Variants in ZNF33A observed in about 807,000 individuals in gnomAD.
The protein encoded by ZNF33A is brain my041 protein.
In ZNF33A, 9 loss-of-function variants were observed where a neutral mutation model predicts 15.9. The ratio of observed to expected loss-of-function variants is 0.57; its 90% CI spans 0.34 to 0.99. The LOEUF (loss-of-function observed/expected upper bound fraction) is 0.99, where lower values mean the gene tolerates loss of function less well. Ranked by LOEUF, ZNF33A falls within the 50% of genes least tolerant of loss-of-function variation. ZNF33A has a pLI of 0.02. For synonymous variants in ZNF33A, 294 were observed against 324.2 expected, an observed-to-expected ratio of 0.91 and a Z score of 1.00; for missense variants, 843 against 941.6, an observed-to-expected ratio of 0.90 and a Z score of 1.37.
intron 1 of ZNF33A, 52 bp from the exon 2 acceptor site, chr10:38,012,246 T>C: frequency 6.3e-7 from 1 of 1,587,962 alleles, no homozygotes; most frequent in East Asian, 2.2e-5. Flanking sequence ...AATCCAGGAG[T>C]TGCCAGGCAG....
chr10:38,033,853 C>G (rs1272699106), intron 4 of ZNF33A, among the ~76,000 whole-genome samples: 3 of 151,952 alleles, frequency 2.0e-5, no homozygotes. Context: ...GCTGGGATTA[C>G]AGGTGCCCAC....
downstream of ZNF33A, among the ~76,000 whole-genome samples, chr10:38,063,686 T>C (rs1385887289): frequency 6.6e-6 from 1 of 152,206 alleles, no homozygotes; most frequent in Non-Finnish European, 1.5e-5. Context: ...TGGTAAGAGC[T>C]AAGATGCAAA....
In ZNF33A at chr10:38,010,794, G is replaced by A; in HGVS notation, c.-45+11G>A. Reference sequence around the variant, plus strand: ...CGACGAGGGAGTGGGGTAAGCCCCAGTGGGTTGGGCAGGGAGAGAGAGGGA... The same window carrying A: ...CGACGAGGGAGTGGGGTAAGCCCCAATGGGTTGGGCAGGGAGAGAGAGGGA... On this transcript the variant is annotated intron_variant, in intron 1 of 4. Coordinates refer to ENST00000432900, the MANE Select transcript of ZNF33A (RefSeq NM_006954.2). 6.3e-7 allele frequency: 1 copy of A among 1,598,446 alleles called. No homozygotes were observed. Among genetic ancestry groups the A allele is most frequent in the Non-Finnish European group, 8.5e-7 (1 of 1,179,782 alleles).
In ZNF33A at chr10:38,054,468, C is replaced by T. The variant is rs144275159; in HGVS notation, c.344C>T (p.Thr115Ile). 16 of 1,610,170 alleles carry T rather than the reference C, an allele frequency of 9.9e-6. No individual in the cohort carries two copies. In the African/African-American group the frequency reaches 2.0e-4, roughly 20 times the overall value. The stretch of plus-strand genomic sequence containing the variant: ...GTATTCATCAATAATGAAATGCTGA[C>T]TAAGGAACAAGGTGATGTAATAGGA... ...EVVFINNEML[T>I]KEQGDVIGIP... The change falls in exon 5 of 5, where the codon ACT (threonine) becomes ATT (isoleucine). Residue 115 changes from threonine (T) to isoleucine (I), a missense_variant. Coordinates refer to ENST00000432900, the MANE Select transcript of ZNF33A (RefSeq NM_006954.2).
At chr10:38,042,201 T>TTC (rs1236846787) in intron 4 of ZNF33A, among the ~76,000 whole-genome samples, 1 of 152,004 alleles carries the variant, frequency 6.6e-6, no homozygotes, top group Non-Finnish European at 1.5e-5. Context: ...TTTTTTTTTT[T>TTC]CCCCTGGGAG....
At chr10:38,048,580 A>G (rs1316275300) in intron 4 of ZNF33A, among the ~76,000 whole-genome samples, 1 of 152,188 alleles carries the variant, frequency 6.6e-6, no homozygotes, top group Non-Finnish European at 1.5e-5. Context: ...AGATAAACAA[A>G]AAGAATGGGA....
intron 4 of ZNF33A, among the ~76,000 whole-genome samples, chr10:38,031,761 G>A (rs1218793664): frequency 2.0e-5 from 3 of 151,678 alleles, no homozygotes; most frequent in Non-Finnish European, 4.4e-5. Context: ...TCAGGAGATG[G>A]AGACCATCCG....
chr10:38,054,785 T>G lies in ZNF33A; in HGVS notation c.661T>G (p.Tyr221Asp). 1 of 1,613,734 alleles carries G rather than the reference T, an allele frequency of 6.2e-7. No homozygotes were observed. ...KIQTLEHNFE[Y>D]SICQETLLEK... ...TCAAACTTTAGAGCACAATTTTGAATACAGTATATGTCAGGAAACCCTCCT... is the reference window on the plus strand; with the variant it reads ...TCAAACTTTAGAGCACAATTTTGAAGACAGTATATGTCAGGAAACCCTCCT... Residue 221 changes from tyrosine (Y) to aspartate (D), a missense_variant, in exon 5 of 5, where the codon TAC becomes GAC. By Grantham distance (160) the Tyr-to-Asp change is radical. Transcript: ENST00000432900.
At chr10:38,050,129 A>G (rs1055015006) in intron 4 of ZNF33A, among the ~76,000 whole-genome samples, 4 of 152,238 alleles carry the variant, frequency 2.6e-5, no homozygotes, top group African/African-American at 7.2e-5. Context: ...AAATTCAAGA[A>G]GAGGGAATAC....
In ZNF33A at chr10:38,057,775, G is replaced by A. The variant is rs947347928; in HGVS notation, c.*1215G>A. The A allele has an allele frequency of 1.3e-5, 13 of 985,332 alleles. No individual in the cohort carries two copies. The African/African-American group carries it at 2.3e-4, about 17-fold the overall frequency. 61.0% of individuals were successfully genotyped at this position (985,332 alleles called of 1,614,324 possible). A position where few individuals can be genotyped will look rare whatever the true frequency, so the allele number is the denominator to read the frequency against. ...AACATTCCAGCCTTCAGCATAAGTG[G>A]TAGTCCAAATTTTCTTTAAGCAGCT... is the stretch of plus-strand genomic sequence containing the variant. On this transcript the variant is annotated 3_prime_UTR_variant, in exon 5 of 5. Coordinates refer to ENST00000432900, the MANE Select transcript of ZNF33A (RefSeq NM_006954.2).
At chr10:38,063,506 G>A (rs539580573), downstream of ZNF33A, among the ~76,000 whole-genome samples, 5 of 149,816 alleles carry the variant, frequency 3.3e-5, no homozygotes, top group East Asian at 7.8e-4. Context: ...TGAACATCCT[G>A]CTTTGTTCAG....
chr10:38,063,152 A>G (rs2066675168), downstream of ZNF33A, among the ~76,000 whole-genome samples: 1 of 152,290 alleles, frequency 6.6e-6, no homozygotes, highest in Admixed American at 6.5e-5. Flanking sequence ...ACAGACTGGC[A>G]TCTTTGCAGA....
At chr10:38,046,518 C>T (rs1206615280) in intron 4 of ZNF33A, among the ~76,000 whole-genome samples, 1 of 152,062 alleles carries the variant, frequency 6.6e-6, no homozygotes, top group African/African-American at 2.4e-5. Context: ...ACATTGTTTC[C>T]AAGTGACTTA....
intron 1 of ZNF33A, among the ~76,000 whole-genome samples, chr10:38,011,919 A>G (rs1267580884): frequency 6.6e-6 from 1 of 152,202 alleles, no homozygotes; most frequent in Non-Finnish European, 1.5e-5. Flanking sequence ...TATTTTTTAC[A>G]ATGGTTTTAG....
At chr10:38,033,604 GC>G (rs2065309730) in intron 4 of ZNF33A, among the ~76,000 whole-genome samples, 2 of 152,022 alleles carry the variant, frequency 1.3e-5, no homozygotes, top group Middle Eastern at 3.2e-3. Flanking sequence ...TCTCTAGTTT[GC>G]AACATTTTTT....
At position 38,014,641 on chromosome 10, in the gene ZNF33A, A is replaced by T. The variant is rs188461125; in HGVS notation, c.10-2230A>T. On this transcript the variant is annotated intron_variant, in intron 2 of 4. Transcript: ENST00000432900. ...GTTTTACATTGTGATATTTGTCATCAATTATGTGTACATATATGTCTGTGT... is the reference window on the plus strand; with the variant it reads ...GTTTTACATTGTGATATTTGTCATCTATTATGTGTACATATATGTCTGTGT... 3.2e-4 allele frequency among the ~76,000 whole-genome samples: 49 copies of T among 152,298 alleles called. 1 individual carries two copies. Among genetic ancestry groups the T allele is most frequent in the Admixed American group, 1.3e-3 (20 of 15,292 alleles).
intron 4 of ZNF33A, among the ~76,000 whole-genome samples, chr10:38,037,007 G>A (rs1408911912): frequency 6.6e-6 from 1 of 151,988 alleles, no homozygotes; most frequent in Non-Finnish European, 1.5e-5. Context: ...TACATTATTA[G>A]CCAATATTTT....
intron 2 of ZNF33A, among the ~76,000 whole-genome samples, chr10:38,014,835 G>A (rs2064371305): frequency 6.6e-6 from 1 of 152,152 alleles, no homozygotes; most frequent in Non-Finnish European, 1.5e-5. Context: ...ATAACTTGCT[G>A]AGACTTTCTT....
rs755870810 is a variant in ZNF33A, at chr10:38,056,297, G to C, written c.2173G>C (p.Glu725Gln). Residue 725 changes from glutamate to glutamine, a missense_variant, in exon 5 of 5, where the codon GAA (glutamate) becomes CAA (glutamine). Physicochemically the swap from Glu to Gln is conservative, Grantham distance 29 (BLOSUM62 2). Coordinates refer to ENST00000432900, the MANE Select transcript of ZNF33A (RefSeq NM_006954.2). ...AGGAGAGAAATCTTGTCAATGTAAT[G>C]AATGTGGAAAAATCTTTTACCGTAA... is the stretch of plus-strand genomic sequence containing the variant. The part of the protein sequence containing the change: ...HTGEKSCQCN[E>Q]CGKIFYRKSE... The C allele has an allele frequency of 2.5e-6, 4 of 1,614,148 alleles. No individual in the cohort carries two copies. The highest frequency in any genetic ancestry group is 3.4e-6 in the Non-Finnish European group (4 of 1,179,984).
Sources: allele counts gnomAD v4.1 joint callset (sites outside exome capture counted in the v4.1 genomes callset), GRCh38; gene constraint gnomAD v4.1.1; transcripts MANE v1.5; gene names NCBI Gene and HGNC (gene_info 2026-07-23, HGNC 2026-07-21).